Variants in ADARB2 observed in about 807,000 individuals in gnomAD.
ADARB2 encodes adenosine deaminase RNA specific B2 (inactive), also known as inactive double-stranded RNA-specific editase B2.
A neutral mutation model predicts 62.2 loss-of-function variants in ADARB2; 25 were observed. That is an observed-to-expected ratio of 0.40 (90% confidence interval 0.29 to 0.56). The LOEUF is 0.56. Among genes scored for constraint, ADARB2 ranks in the 20% least tolerant of loss-of-function variants. The pLI is 0.43. For missense variants in ADARB2, 1,071 were observed against 1,077.4 expected, an observed-to-expected ratio of 0.99 and a Z score of 0.08; for synonymous variants, 572 against 500.8, an observed-to-expected ratio of 1.14 and a Z score of -1.90.
At chr10:1,489,315 TC>T (rs1295552259) in intron 1 of ADARB2, among the ~76,000 whole-genome samples, 1 of 151,182 alleles carries the variant, frequency 6.6e-6, no homozygotes, top group African/African-American at 2.4e-5. Context: ...TGACAGTGCC[TC>T]TCTGGGAGCT....
At chr10:1,657,897 C>T (rs2119081998) in intron 1 of ADARB2, among the ~76,000 whole-genome samples, 1 of 152,152 alleles carries the variant, frequency 6.6e-6, no homozygotes, top group East Asian at 1.9e-4. Flanking sequence ...CTGTTTCTCC[C>T]CGTCTCTGTC....
intron 1 of ADARB2, among the ~76,000 whole-genome samples, chr10:1,402,715 G>T (rs1038405585): frequency 6.6e-6 from 1 of 151,962 alleles, no homozygotes; most frequent in African/African-American, 2.4e-5. Context: ...CTCCTGCCCC[G>T]CAGCTTCCTG....
At chr10:1,572,237 G>A (rs1832952072) in intron 1 of ADARB2, among the ~76,000 whole-genome samples, 1 of 151,494 alleles carries the variant, frequency 6.6e-6, no homozygotes, top group South Asian at 2.1e-4. Flanking sequence ...GTAGGCAGGT[G>A]AGTATGCAGG....
At chr10:1,681,420 C>A (rs1411531422) in intron 1 of ADARB2, among the ~76,000 whole-genome samples, 1 of 151,964 alleles carries the variant, frequency 6.6e-6, no homozygotes, top group East Asian at 1.9e-4. Flanking sequence ...GTTATGACTC[C>A]ATTTCTTCCT....
intron 8 of ADARB2, among the ~76,000 whole-genome samples, chr10:1,191,261 G>T (rs1405353147): frequency 6.6e-6 from 1 of 152,242 alleles, no homozygotes; most frequent in African/African-American, 2.4e-5. Context: ...AGGAGGGTGG[G>T]GGGCCAGGGC....
chr10:1,543,216 C>A (rs1428206883), intron 1 of ADARB2, among the ~76,000 whole-genome samples: 1 of 152,212 alleles, frequency 6.6e-6, no homozygotes, highest in Non-Finnish European at 1.5e-5. Flanking sequence ...AGAAGCCGGG[C>A]GTCCTGCCCG....
chr10:1,587,229 A>T (rs117836674), intron 1 of ADARB2, among the ~76,000 whole-genome samples: 2,444 of 152,344 alleles, frequency 0.016, 38 homozygotes, highest in Non-Finnish European at 0.024. Context: ...AACAAAACAA[A>T]ACAAAAAGAA....
intron 1 of ADARB2, among the ~76,000 whole-genome samples, chr10:1,730,408 T>C (rs1339852475): frequency 6.6e-6 from 1 of 152,212 alleles, no homozygotes; most frequent in Non-Finnish European, 1.5e-5. Flanking sequence ...CTCTTCCGCG[T>C]GAGGCTTCAG....
intron 1 of ADARB2, among the ~76,000 whole-genome samples, chr10:1,514,510 G>T (rs1372048163): frequency 6.6e-6 from 1 of 152,042 alleles, no homozygotes; most frequent in African/African-American, 2.4e-5. Context: ...CCTCAGTGGG[G>T]CTCGTTTCTG....
At chr10:1,531,891 C>T (rs550346096) in intron 1 of ADARB2, among the ~76,000 whole-genome samples, 1 of 152,208 alleles carries the variant, frequency 6.6e-6, no homozygotes, top group African/African-American at 2.4e-5. Flanking sequence ...CTCCTAACAA[C>T]ACACGTGGTC....
chr10:1,690,917 C>T (rs1370122233), intron 1 of ADARB2, among the ~76,000 whole-genome samples: 1 of 152,252 alleles, frequency 6.6e-6, no homozygotes, highest in Non-Finnish European at 1.5e-5. Context: ...ATCCCTGTGC[C>T]CGGCAGTCTG....
chr10:1,538,425 G>A (rs1473882406), intron 1 of ADARB2, among the ~76,000 whole-genome samples: 1 of 152,210 alleles, frequency 6.6e-6, no homozygotes, highest in East Asian at 1.9e-4. Flanking sequence ...TAGACACAGG[G>A]GATCCAGGAG....
chr10:1,595,970 G>C (rs1833329049), intron 1 of ADARB2, among the ~76,000 whole-genome samples: 1 of 152,236 alleles, frequency 6.6e-6, no homozygotes, highest in Admixed American at 6.5e-5. Context: ...GTGCTTCACA[G>C]ACAGGCTGCT....
At chr10:1,599,318 A>C (rs1195374081) in intron 1 of ADARB2, among the ~76,000 whole-genome samples, 1 of 152,218 alleles carries the variant, frequency 6.6e-6, no homozygotes, top group Non-Finnish European at 1.5e-5. Flanking sequence ...CTGCAAAATG[A>C]GGATGATGAC....
At chr10:1,396,555 C>T (rs1417222896) in intron 1 of ADARB2, among the ~76,000 whole-genome samples, 2 of 152,114 alleles carry the variant, frequency 1.3e-5, no homozygotes, top group African/African-American at 2.4e-5. Context: ...GTCCCTGTGA[C>T]GCCTACTAAC....
chr10:1,404,357 C>T (rs972359054), intron 1 of ADARB2, among the ~76,000 whole-genome samples: 12 of 152,202 alleles, frequency 7.9e-5, no homozygotes, highest in African/African-American at 2.7e-4. Context: ...TAAGCATCTC[C>T]CCTTGGCAGG....
chr10:1,462,614 C>T (rs1319505770), intron 1 of ADARB2, among the ~76,000 whole-genome samples: 1 of 147,964 alleles, frequency 6.8e-6, no homozygotes, highest in Admixed American at 6.6e-5. Context: ...TGTGTATGTG[C>T]CTGTGTGTAT....
At chr10:1,514,374 T>G (rs1376376480) in intron 1 of ADARB2, among the ~76,000 whole-genome samples, 1 of 151,668 alleles carries the variant, frequency 6.6e-6, no homozygotes, top group Non-Finnish European at 1.5e-5. Context: ...CCGTCAGTTC[T>G]CCACTGCTTC....
chr10:1,279,246 A>G (rs2804103), intron 3 of ADARB2, among the ~76,000 whole-genome samples: 9,536 of 152,244 alleles, frequency 0.063, 1,008 homozygotes, highest in African/African-American at 0.22. Flanking sequence ...GTCATGTGCT[A>G]CATGAACTCT....
Sources: allele counts gnomAD v4.1 joint callset (sites outside exome capture counted in the v4.1 genomes callset), GRCh38; gene constraint gnomAD v4.1.1; transcripts MANE v1.5; gene names NCBI Gene and HGNC (gene_info 2026-07-23, HGNC 2026-07-21).